Variants in CDK5RAP2 observed in about 807,000 individuals in gnomAD.
CDK5RAP2 encodes the protein CDK5 regulatory subunit associated protein 2, also known as CDK5 regulatory subunit-associated protein 2.
CDK5RAP2 carries 147 observed loss-of-function variants against 232.9 expected under a neutral mutation model. The ratio of observed to expected loss-of-function variants is 0.63; its 90% CI spans 0.55 to 0.72. The LOEUF is 0.72. CDK5RAP2 is among the 30% of genes least tolerant of loss of function. The pLI, the probability that CDK5RAP2 is intolerant of heterozygous loss-of-function variation, is 0.00. For missense variants in CDK5RAP2, 2,195 were observed against 2,231.5 expected, an observed-to-expected ratio of 0.98 and a Z score of 0.33; for synonymous variants, 833 against 833.7, an observed-to-expected ratio of 1.00 and a Z score of 0.01.
intron 20 of CDK5RAP2, among the ~76,000 whole-genome samples, chr9:120,455,437 G>A (rs2036714746): frequency 6.6e-6 from 1 of 151,354 alleles, no homozygotes; most frequent in Non-Finnish European, 1.5e-5. Flanking sequence ...AGGCACACAC[G>A]TGCTTCAGAA....
intron 12 of CDK5RAP2, among the ~76,000 whole-genome samples, chr9:120,498,157 GTTTC>G (rs954406002): frequency 2.0e-5 from 3 of 152,172 alleles, no homozygotes; most frequent in African/African-American, 7.2e-5. Flanking sequence ...CTCACCACCT[GTTTC>G]TTTGTTTGAT....
At chr9:120,546,155 T>C (rs899648821) in intron 4 of CDK5RAP2, among the ~76,000 whole-genome samples, 9 of 152,144 alleles carry the variant, frequency 5.9e-5, no homozygotes, top group Non-Finnish European at 1.2e-4. Context: ...TTTTTCCCAT[T>C]CCAAAGCAAT....
At chr9:120,576,326 A>G (rs2043030088) in intron 1 of CDK5RAP2, among the ~76,000 whole-genome samples, 1 of 152,232 alleles carries the variant, frequency 6.6e-6, no homozygotes, top group Admixed American at 6.5e-5. Flanking sequence ...TTGAATACAC[A>G]TTTCTCCAAA....
chr9:120,411,686 G>C (rs531553125), intron 28 of CDK5RAP2, among the ~76,000 whole-genome samples: 1 of 152,290 alleles, frequency 6.6e-6, no homozygotes, highest in East Asian at 1.9e-4. Context: ...TTACCTAAGG[G>C]AGAACAAAGC....
At chr9:120,530,177 T>C (rs781380197) in intron 7 of CDK5RAP2, 37 bp from the exon 8 acceptor site, 63 of 1,554,034 alleles carry the variant, frequency 4.1e-5, no homozygotes, top group Non-Finnish European at 5.2e-5. Context: ...AATTCTAAGC[T>C]GTTCTCTTAG....
chr9:120,430,234 T>C (rs910127339), intron 25 of CDK5RAP2, among the ~76,000 whole-genome samples: 6 of 152,108 alleles, frequency 3.9e-5, no homozygotes, highest in Non-Finnish European at 7.4e-5. Flanking sequence ...CCAAAAGCAA[T>C]GGCAACAAAA....
In CDK5RAP2 at chr9:120,422,760, T is replaced by C. The variant is rs758330048; in HGVS notation, c.3956-19A>G. On this transcript the variant is annotated intron_variant, in intron 25 of 37. Coordinates refer to ENST00000349780, the MANE Select transcript of CDK5RAP2 (RefSeq NM_018249.6). ...GATTTTCCTGGAAGCAGAAATAACATCAAGAAAGGAGGAGAAAAAAATGTT... is the reference window on the plus strand; with the variant it reads ...GATTTTCCTGGAAGCAGAAATAACACCAAGAAAGGAGGAGAAAAAAATGTT... 2.5e-6 allele frequency: 4 copies of C among 1,604,280 alleles called. No homozygotes were observed. In the African/African-American group the frequency reaches 4.0e-5, roughly 16 times the overall value.
intron 18 of CDK5RAP2, among the ~76,000 whole-genome samples, chr9:120,465,625 G>A (rs1047411957): frequency 1.3e-5 from 2 of 150,138 alleles, no homozygotes; most frequent in East Asian, 3.9e-4. Flanking sequence ...ATAAATAAAT[G>A]AAAATAAATT....
intron 27 of CDK5RAP2, 73 bp from the exon 28 acceptor site, chr9:120,415,232 G>A (rs1332585864): frequency 2.6e-6 from 4 of 1,547,870 alleles, no homozygotes; most frequent in Non-Finnish European, 8.9e-7. Context: ...GATTATGCAG[G>A]GATCCTGAAA....
chr9:120,509,768 G>C (rs2039992970), intron 12 of CDK5RAP2, among the ~76,000 whole-genome samples: 1 of 152,168 alleles, frequency 6.6e-6, no homozygotes, highest in Non-Finnish European at 1.5e-5. Flanking sequence ...GATAAGAAAT[G>C]GGCATACTAT....
At chr9:120,494,757 A>AATGGATGCTAGAATTCTTCAAAGTAT (rs1301588600) in intron 12 of CDK5RAP2, among the ~76,000 whole-genome samples, 3 of 136,264 alleles carry the variant, frequency 2.2e-5, no homozygotes, top group Admixed American at 7.0e-5. Flanking sequence ...AAGAATCATC[A>AATGGATGCTAGAATTCTTCAAAGTAT]GGCGGCGCCG....
At chr9:120,469,014 C>A (rs890616885) in intron 17 of CDK5RAP2, among the ~76,000 whole-genome samples, 3 of 152,168 alleles carry the variant, frequency 2.0e-5, no homozygotes, top group African/African-American at 7.2e-5. Context: ...AAGTGCCAAC[C>A]AAGTGAACTA....
At chr9:120,543,100 T>C (rs1472272195) in intron 5 of CDK5RAP2, among the ~76,000 whole-genome samples, 1 of 152,156 alleles carries the variant, frequency 6.6e-6, no homozygotes, top group Non-Finnish European at 1.5e-5. Flanking sequence ...TAAACAGAGC[T>C]CATGACCTTA....
In CDK5RAP2 at chr9:120,439,442, T is replaced by A. The variant is rs139203975; in HGVS notation, c.3679A>T (p.Ile1227Phe). The A allele has an allele frequency of 5.1e-5, 83 of 1,614,146 alleles. No individual in the cohort carries two copies. The highest frequency in any genetic ancestry group is 3.8e-4 in the Admixed American group (23 of 60,024). Residue 1227 changes from isoleucine (I) to phenylalanine (F), a missense_variant, in exon 24 of 38, where the codon ATC (isoleucine) becomes TTC (phenylalanine). Coordinates refer to ENST00000349780, the MANE Select transcript of CDK5RAP2 (RefSeq NM_018249.6). ...CTGAACTTATTCTGCAGATTATGGA[T>A]CTCACTGAAAAGTTGCATGTTCAAA... is the stretch of plus-strand genomic sequence containing the variant. ...QNLNMQLFSE[I>F]HNLQNKFRDL...
rs369355023 is a variant in CDK5RAP2 at position 120,571,997 on chromosome 9, G to C, written c.104C>G (p.Pro35Arg). ...SVPDDLDGIN[P>R]NAGLGNGLLP... ...ACGACCATTTCCCAACCCAGCATTG[G>C]GGTTGATGCCATCCAGGTCATCTGG... Residue 35 changes from proline (P) to arginine (R), a missense_variant, in exon 2 of 38, where the codon CCC becomes CGC. Pro to Arg is a moderately radical substitution (Grantham distance 103, BLOSUM62 -2). Coordinates refer to ENST00000349780, the MANE Select transcript of CDK5RAP2 (RefSeq NM_018249.6). 77 of 1,613,788 alleles carry C rather than the reference G, an allele frequency of 4.8e-5. No individual in the cohort carries two copies. Among genetic ancestry groups the C allele is most frequent in the Non-Finnish European group, 6.3e-5 (74 of 1,179,816 alleles).
At chr9:120,554,867 G>A (rs540825754) in intron 3 of CDK5RAP2, among the ~76,000 whole-genome samples, 6 of 151,652 alleles carry the variant, frequency 4.0e-5, no homozygotes, top group Admixed American at 2.0e-4. Flanking sequence ...TCCTGACCTC[G>A]GGTGATTCTC....
In CDK5RAP2 at chr9:120,407,051, C is replaced by T. The variant is rs558531279; in HGVS notation, c.4924G>A (p.Val1642Met). The change falls in exon 32 of 38, where the codon GTG becomes ATG. Residue 1642 changes from valine (V) to methionine (M), a missense_variant. Val to Met is a conservative substitution (Grantham distance 21). Transcript: ENST00000349780. ...TGAAGGGGCACCTCAGGGATGGACA[C>T]GGCTTGGACAGCCAGAGTGAGGGCT... ...EGALTLAVQAVSIPEVPLQPD... is the reference protein window; with the variant it reads ...EGALTLAVQAMSIPEVPLQPD... The T allele has an allele frequency of 3.7e-6, 6 of 1,614,100 alleles. No individual in the cohort carries two copies. Among genetic ancestry groups the T allele is most frequent in the Middle Eastern group, 1.7e-4 (1 of 6,058 alleles).
In CDK5RAP2 at chr9:120,580,031, C is replaced by G. The variant is rs549689536; in HGVS notation, c.-53G>C. ...GTCTGTGGCGGCGGCGCCACTAGTA[C>G]CCCCCGCGATAGCGACCCGCCGGGC... On this transcript the variant is annotated 5_prime_UTR_variant, in exon 1 of 38. Transcript: ENST00000349780. The G allele has an allele frequency of 3.2e-5, 40 of 1,264,124 alleles. No homozygotes were observed. In the South Asian group the frequency reaches 4.7e-4, roughly 15 times the overall value. 78.3% of individuals were successfully genotyped at this position (1,264,124 alleles called of 1,614,324 possible).
intron 14 of CDK5RAP2, among the ~76,000 whole-genome samples, chr9:120,477,855 C>T (rs1162287122): frequency 6.6e-6 from 1 of 152,176 alleles, no homozygotes; most frequent in East Asian, 1.9e-4. Flanking sequence ...CTGGCAAGTA[C>T]TGGGGACTAG....
Sources: allele counts gnomAD v4.1 joint callset (sites outside exome capture counted in the v4.1 genomes callset), GRCh38; gene constraint gnomAD v4.1.1; transcripts MANE v1.5; gene names NCBI Gene and HGNC (gene_info 2026-07-23, HGNC 2026-07-21).